ALK: variants seen among roughly 807,000 people sequenced by gnomAD.
The protein encoded by ALK is ALK receptor tyrosine kinase.
ALK carries 74 observed loss-of-function variants against 163.1 expected under a neutral mutation model. The ratio of observed to expected loss-of-function variants is 0.45; its 90% CI spans 0.38 to 0.55. ALK has a LOEUF of 0.55. ALK is among the 20% of genes least tolerant of loss of function. ALK has a pLI of 0.00. For synonymous variants in ALK, 960 were observed against 843.2 expected (o/e 1.14, Z -2.40); for missense variants, 2,063 against 2,105.3 (o/e 0.98, Z 0.39).
chr2:29,889,448 A>C (rs199646988), intron 1 of ALK, among the ~76,000 whole-genome samples: 16 of 152,140 alleles, frequency 1.1e-4, no homozygotes, highest in African/African-American at 3.6e-4. Flanking sequence ...GGTGTTATAA[A>C]TTATCATTCC....
intron 1 of ALK, among the ~76,000 whole-genome samples, chr2:29,755,677 G>A (rs745832577): frequency 3.3e-5 from 5 of 151,998 alleles, no homozygotes; most frequent in Non-Finnish European, 7.4e-5. Context: ...TGTTTTTTAC[G>A]AGGCACATAT....
chr2:29,830,747 A>ACC (rs1558508013), intron 1 of ALK, among the ~76,000 whole-genome samples: 1 of 101,422 alleles, frequency 9.9e-6, no homozygotes, highest in East Asian at 3.8e-4. Flanking sequence ...AAAAAAAAAA[A>ACC]AAAAAACTTA....
At position 29,545,740 on chromosome 2, in the gene ALK, C is replaced by A. The variant is rs1170742401; in HGVS notation, c.953-13624G>T. On this transcript the variant is annotated intron_variant, in intron 3 of 28. Transcript: ENST00000389048. ...GCTTTTCTGCACCTTCATTCGGAAGCACTTTGAAGAGAAATGGTATTCGTT... is the reference window on the plus strand; with the variant it reads ...GCTTTTCTGCACCTTCATTCGGAAGAACTTTGAAGAGAAATGGTATTCGTT... 2.6e-5 allele frequency among the ~76,000 whole-genome samples: 4 copies of A among 152,186 alleles called. No homozygotes were observed. The South Asian group carries it at 8.3e-4, about 31-fold the overall frequency.
At chr2:29,672,139 C>T (rs1448487337) in intron 3 of ALK, among the ~76,000 whole-genome samples, 1 of 149,550 alleles carries the variant, frequency 6.7e-6, no homozygotes, top group Non-Finnish European at 1.5e-5. Flanking sequence ...TCCCTGCATA[C>T]CTTCTGCAGG....
chr2:29,627,290 G>A (rs1676218676), intron 3 of ALK, among the ~76,000 whole-genome samples: 1 of 152,186 alleles, frequency 6.6e-6, no homozygotes, highest in South Asian at 2.1e-4. Flanking sequence ...AGTACCCAGA[G>A]AGGACAACAC....
intron 1 of ALK, among the ~76,000 whole-genome samples, chr2:29,876,698 A>C (rs1336635681): frequency 2.7e-5 from 3 of 110,298 alleles, no homozygotes; most frequent in Non-Finnish European, 5.6e-5. Flanking sequence ...TGGTGATGGT[A>C]GTGATGGTGA....
intron 1 of ALK, among the ~76,000 whole-genome samples, chr2:29,850,510 C>G (rs940845503): frequency 2.6e-5 from 4 of 152,078 alleles, no homozygotes; most frequent in Admixed American, 2.6e-4. Context: ...TCAGGGATGC[C>G]CCAGAGCCTG....
chr2:29,324,103 G>C (rs1171819921), intron 6 of ALK, among the ~76,000 whole-genome samples: 1 of 152,184 alleles, frequency 6.6e-6, no homozygotes, highest in African/African-American at 2.4e-5. Context: ...CCCCCTTCTT[G>C]GGCTGTAGCC....
intron 1 of ALK, among the ~76,000 whole-genome samples, chr2:29,740,776 C>T (rs1420595558): frequency 5.9e-5 from 9 of 152,160 alleles, no homozygotes; most frequent in African/African-American, 1.2e-4. Context: ...CCAAGGTGGG[C>T]GGATCACTCA....
intron 1 of ALK, among the ~76,000 whole-genome samples, chr2:29,785,263 A>G (rs1490780672): frequency 1.3e-5 from 2 of 152,084 alleles, no homozygotes; most frequent in Admixed American, 6.5e-5. Flanking sequence ...ACTTCCTGGT[A>G]TATATGAGGG....
chr2:29,309,277 C>CA lies in ALK; in HGVS notation c.1647+9026dup, dbSNP rs1424396825. The stretch of plus-strand genomic sequence containing the variant: ...GGGGTGTTCCCCCATATATGGGTGA[C>CA]ATGAATGTGTTGCAATGACCACTAG... On this transcript the variant is annotated intron_variant, in intron 8 of 28. Transcript: ENST00000389048. 4.6e-5 allele frequency among the ~76,000 whole-genome samples: 7 copies of CA among 152,186 alleles called. No homozygotes were observed. In the East Asian group the frequency reaches 1.4e-3, roughly 29 times the overall value.
chr2:29,428,752 G>A (rs778698158), intron 4 of ALK, among the ~76,000 whole-genome samples: 3 of 151,886 alleles, frequency 2.0e-5, no homozygotes, highest in Non-Finnish European at 4.4e-5. Flanking sequence ...ACTTCCCAAC[G>A]CATTCTACGA....
chr2:29,399,245 G>A (rs1452520719), intron 4 of ALK, among the ~76,000 whole-genome samples: 4 of 152,184 alleles, frequency 2.6e-5, no homozygotes, highest in Non-Finnish European at 4.4e-5. Context: ...ATTCTAGCAA[G>A]TGAATTATCT....
chr2:29,525,698 G>T (rs555035923), intron 4 of ALK, among the ~76,000 whole-genome samples: 3 of 144,476 alleles, frequency 2.1e-5, no homozygotes, highest in African/African-American at 7.7e-5. Flanking sequence ...GCTGAGGCAG[G>T]AAAATCACTT....
chr2:29,226,741 T>C (rs1664007502), intron 18 of ALK, among the ~76,000 whole-genome samples, 181 bp downstream of exon 18: 1 of 152,124 alleles, frequency 6.6e-6, no homozygotes, highest in Admixed American at 6.5e-5. Flanking sequence ...TAAGACTCCT[T>C]CAGGAGCCAT....
At chr2:29,219,787 G>A (rs1490574300) in intron 23 of ALK, among the ~76,000 whole-genome samples, 2 of 152,214 alleles carry the variant, frequency 1.3e-5, no homozygotes, top group African/African-American at 2.4e-5. Context: ...TAAACTACAC[G>A]GGTGTCTAAT....
chr2:29,488,719 G>A (rs149826403), intron 4 of ALK, among the ~76,000 whole-genome samples: 93 of 152,270 alleles, frequency 6.1e-4, no homozygotes, highest in African/African-American at 2.1e-3. Context: ...CCATAACCAC[G>A]GTGTATGTTC....
intron 2 of ALK, among the ~76,000 whole-genome samples, chr2:29,701,464 G>A (rs1001482580): frequency 3.3e-5 from 5 of 152,298 alleles, no homozygotes; most frequent in Non-Finnish European, 4.4e-5. Flanking sequence ...TCAGGCCACC[G>A]TGAGCTTTGG....
At chr2:29,702,992 GA>G (rs1214603562) in intron 2 of ALK, among the ~76,000 whole-genome samples, 3 of 152,204 alleles carry the variant, frequency 2.0e-5, no homozygotes, top group Non-Finnish European at 2.9e-5. Flanking sequence ...GTCTGATTGG[GA>G]TCCCAGTTTA....
Sources: allele counts gnomAD v4.1 joint callset (sites outside exome capture counted in the v4.1 genomes callset), GRCh38; gene constraint gnomAD v4.1.1; transcripts MANE v1.5; gene names NCBI Gene and HGNC (gene_info 2026-07-23, HGNC 2026-07-21).